The following CRYZ variants were observed in gnomAD, a reference collection of about 807,000 sequenced individuals.
CRYZ encodes the protein zeta-crystallin.
Under a neutral mutation model 34.1 loss-of-function variants are expected in CRYZ, and 35 were observed. The ratio of observed to expected loss-of-function variants is 1.03; its 90% CI spans 0.78 to 1.36. The LOEUF (loss-of-function observed/expected upper bound fraction) is 1.36. CRYZ is among the 40% of genes most tolerant of loss of function. The pLI is 0.00. For synonymous variants in CRYZ, 137 were observed against 136.5 expected (o/e 1.00, Z -0.03); for missense variants, 403 against 391.8 (o/e 1.03, Z -0.24).
chr1:74,725,931 T>C lies in CRYZ; in HGVS notation c.-13-1097A>G, dbSNP rs144650426. On this transcript the variant is annotated intron_variant, in intron 1 of 8. Coordinates refer to ENST00000340866, the MANE Select transcript of CRYZ (RefSeq NM_001889.4). ...CAAATCTTAAAGCTCCAAAATGAAC[T>C]CTTTTGACTCCATGTCTCACATCCA... Among the ~76,000 whole-genome samples, 300 of 152,238 alleles carry C rather than the reference T, an allele frequency of 2.0e-3. 2 individuals carry two copies. Among genetic ancestry groups the C allele is most frequent in the African/African-American group, 6.9e-3 (288 of 41,556 alleles).
rs1283266237 is a variant in CRYZ at position 74,707,002 on chromosome 1, G to A, written c.733-8C>T. On this transcript the variant is annotated splice_polypyrimidine_tract_variant and splice_region_variant and intron_variant, in intron 7 of 8. Coordinates refer to ENST00000340866, the MANE Select transcript of CRYZ (RefSeq NM_001889.4). ...ACCTCTGCTGCCAACAACCTAACATGAAAAACAGCAATTCTACAGTTAAAG... is the reference window on the plus strand; with the variant it reads ...ACCTCTGCTGCCAACAACCTAACATAAAAAACAGCAATTCTACAGTTAAAG... 1 of 1,607,148 alleles carries A rather than the reference G, an allele frequency of 6.2e-7. No individual in the cohort carries two copies. The highest frequency in any genetic ancestry group is 8.5e-7 in the Non-Finnish European group (1 of 1,176,430).
rs1000003158 is a variant in CRYZ, at chr1:74,720,748, T to C, written c.265-1376A>G. ...CCAGTTTTAACAGCTAAAAAACATG[T>C]TGAATTGATTTCAATATAATTCAAA... On this transcript the variant is annotated intron_variant, in intron 3 of 8. Coordinates refer to ENST00000340866, the MANE Select transcript of CRYZ (RefSeq NM_001889.4). Among the ~76,000 whole-genome samples, 6 of 152,286 alleles carry C rather than the reference T, an allele frequency of 3.9e-5. No homozygotes were observed. The South Asian group carries it at 1.0e-3, about 26-fold the overall frequency.
rs368902027 is a variant in CRYZ at position 74,705,608 on chromosome 1, A to T, written c.*688T>A. On this transcript the variant is annotated 3_prime_UTR_variant, in exon 9 of 9. Transcript: ENST00000340866. ...TATTTGACCCTCACCAGAAAAACAG[A>T]TAACTCTAAATCTACTCTGAAAATC... The T allele has an allele frequency of 6.6e-6, 1 of 152,170 alleles. No homozygotes were observed. The highest frequency in any genetic ancestry group is 6.6e-5 in the Admixed American group (1 of 15,264). 9.4% of individuals were successfully genotyped at this position (152,170 alleles called of 1,614,324 possible).
At chr1:74,724,631 G>A in intron 2 of CRYZ, 80 bp downstream of exon 2, 1 of 856,200 alleles carries the variant, frequency 1.2e-6, no homozygotes, top group Non-Finnish European at 1.9e-6. Flanking sequence ...ATAATTGTGA[G>A]TCTGCTTCTT....
At chr1:74,713,505 A>G (rs138816160) in intron 5 of CRYZ, among the ~76,000 whole-genome samples, 11 of 152,268 alleles carry the variant, frequency 7.2e-5, no homozygotes, top group African/African-American at 2.4e-4. Flanking sequence ...AGACAATCCT[A>G]GTGTTTTTTC....
rs895169517 is a variant in CRYZ, at chr1:74,705,825, T to C, written c.*471A>G. The C allele has an allele frequency of 6.6e-6, 1 of 152,278 alleles. No individual in the cohort carries two copies. The highest frequency in any genetic ancestry group is 1.5e-5 in the Non-Finnish European group (1 of 68,100). 9.4% of individuals were successfully genotyped at this position (152,278 alleles called of 1,614,324 possible). ...TTTATTCTTGCCTTTACAAAAGACT[T>C]ACACATCCAAATGAGATTAGTTTAG... On this transcript the variant is annotated 3_prime_UTR_variant, in exon 9 of 9. Coordinates refer to ENST00000340866, the MANE Select transcript of CRYZ (RefSeq NM_001889.4).
In CRYZ at chr1:74,706,346, T is replaced by G; in HGVS notation, c.940A>C (p.Asn314His). The stretch of plus-strand genomic sequence containing the variant: ...GTAGCCCCACTACCATGAATGATAT[T>G]TTCATGAGCCTCGGCCACCTTCTCC... Reference protein sequence around the residue: ...PLEKVAEAHENIIHGSGATGK... With the variant: ...PLEKVAEAHEHIIHGSGATGK... The change falls in exon 9 of 9, where the codon AAT becomes CAT. Residue 314 changes from asparagine to histidine, a missense_variant. Physicochemically the swap from Asn to His is moderately conservative, Grantham distance 68 (BLOSUM62 1). Coordinates refer to ENST00000340866, the MANE Select transcript of CRYZ (RefSeq NM_001889.4). 1 of 1,612,480 alleles carries G rather than the reference T, an allele frequency of 6.2e-7. No individual in the cohort carries two copies. Among genetic ancestry groups the G allele is most frequent in the Non-Finnish European group, 8.5e-7 (1 of 1,179,176 alleles).
intron 1 of CRYZ, among the ~76,000 whole-genome samples, chr1:74,726,910 C>T (rs1647372501): frequency 6.6e-6 from 1 of 152,178 alleles, no homozygotes; most frequent in Non-Finnish European, 1.5e-5. Context: ...ATGTCTAGGG[C>T]AGGGGCAAAA....
chr1:74,724,861 T>A, intron 1 of CRYZ, 27 bp from the exon 2 acceptor site: 1 of 1,316,310 alleles, frequency 7.6e-7, no homozygotes, highest in Non-Finnish European at 1.1e-6. Flanking sequence ...ATTAATGTAT[T>A]GTCACATTGT....
At chr1:74,718,110 G>C (rs532681640) in intron 4 of CRYZ, among the ~76,000 whole-genome samples, 4 of 152,134 alleles carry the variant, frequency 2.6e-5, no homozygotes, top group Non-Finnish European at 5.9e-5. Context: ...CTTTGTCACA[G>C]TTAAACATGA....
At chr1:74,724,085 T>C (rs1333196471) in intron 2 of CRYZ, among the ~76,000 whole-genome samples, 1 of 151,828 alleles carries the variant, frequency 6.6e-6, no homozygotes, top group African/African-American at 2.4e-5. Context: ...TGAAAGGAAG[T>C]ATTAAGGAAA....
chr1:74,707,226 TA>T, intron 6 of CRYZ, 22 bp from the exon 7 acceptor site: 1 of 1,288,780 alleles, frequency 7.8e-7, no homozygotes, highest in Non-Finnish European at 1.1e-6. Flanking sequence ...AAGAGAAATG[TA>T]GAGTAAGATA....
At chr1:74,726,183 C>T (rs1208856876) in intron 1 of CRYZ, among the ~76,000 whole-genome samples, 4 of 152,184 alleles carry the variant, frequency 2.6e-5, no homozygotes, top group Admixed American at 2.0e-4. Flanking sequence ...AGGGACTCTG[C>T]GTGGGGGCTC....
At chr1:74,709,421 A>G (rs1171530307) in intron 6 of CRYZ, among the ~76,000 whole-genome samples, 3 of 152,194 alleles carry the variant, frequency 2.0e-5, no homozygotes. Context: ...AAAAAAGGTA[A>G]TAAACTCTCA....
At chr1:74,717,215 C>T (rs890911958) in intron 4 of CRYZ, among the ~76,000 whole-genome samples, 30 of 152,194 alleles carry the variant, frequency 2.0e-4, no homozygotes, top group African/African-American at 5.8e-4. Flanking sequence ...TAAATATGTT[C>T]AAGTCTTGTC....
chr1:74,719,121 C>A, intron 4 of CRYZ, 88 bp downstream of exon 4: 1 of 1,348,590 alleles, frequency 7.4e-7, no homozygotes, highest in Non-Finnish European at 1.0e-6. Flanking sequence ...ATATGATGAA[C>A]AGATGGATGG....
intron 1 of CRYZ, among the ~76,000 whole-genome samples, chr1:74,732,408 G>A (rs1028458654): frequency 3.3e-5 from 5 of 149,392 alleles, no homozygotes; most frequent in Non-Finnish European, 7.4e-5. Flanking sequence ...GCTGGGCTGT[G>A]CGAAGGGGCC....
rs1341436349 is a variant in CRYZ at position 74,724,724 on chromosome 1, G to T, written c.98C>A (p.Pro33Gln). The change falls in exon 2 of 9, where the codon CCA (proline) becomes CAA (glutamine). Residue 33 changes from proline (P) to glutamine (Q), a missense_variant. Coordinates refer to ENST00000340866, the MANE Select transcript of CRYZ (RefSeq NM_001889.4). Reference sequence around the variant, plus strand: ...TTTTATTTCTACCTGATGGTCTTTTGGAATCGGTACTGCAATATCTGATCG... The same window carrying T: ...TTTTATTTCTACCTGATGGTCTTTTTGAATCGGTACTGCAATATCTGATCG... Reference protein sequence around the residue: ...KLRSDIAVPIPKDHQVLIKVH... With the variant: ...KLRSDIAVPIQKDHQVLIKVH... 1 of 1,604,574 alleles carries T rather than the reference G, an allele frequency of 6.2e-7. No homozygotes were observed. The highest frequency in any genetic ancestry group is 8.5e-7 in the Non-Finnish European group (1 of 1,173,946).
intron 5 of CRYZ, among the ~76,000 whole-genome samples, chr1:74,710,933 A>AGACAGGAATAG (rs1249177744): frequency 1.3e-5 from 2 of 152,214 alleles, no homozygotes; most frequent in African/African-American, 4.8e-5. Flanking sequence ...TGGGTTAAAG[A>AGACAGGAATAG]GACAGGAATA....
Sources: gnomAD v4.1 joint callset for allele counts (sites outside exome capture counted in the v4.1 genomes callset) on GRCh38, gnomAD v4.1.1 for gene constraint, MANE v1.5 for transcripts, NCBI Gene and HGNC (gene_info 2026-07-23, HGNC 2026-07-21) for gene names.